ZNF536: variants seen among roughly 807,000 people sequenced by gnomAD.
The protein encoded by ZNF536 is zinc finger protein 536.
A neutral mutation model predicts 84.5 loss-of-function variants in ZNF536; 13 were observed. The observed-to-expected ratio is 0.15, with a 90% confidence interval of 0.10 to 0.24. The LOEUF (loss-of-function observed/expected upper bound fraction) is 0.24. Among genes scored for constraint, ZNF536 ranks in the 10% least tolerant of loss-of-function variants. The probability of loss-of-function intolerance (pLI) is 1.00; values close to 1 mark genes in which losing one functional copy is unlikely to be tolerated. For synonymous variants in ZNF536, 811 were observed against 742.5 expected, an observed-to-expected ratio of 1.09 and a Z score of -1.50; for missense variants, 1,536 against 1,747.5, an observed-to-expected ratio of 0.88 and a Z score of 2.16.
intron 1 of ZNF536, among the ~76,000 whole-genome samples, chr19:30,588,908 C>T (rs534658480): frequency 1.3e-5 from 2 of 151,972 alleles, no homozygotes; most frequent in Non-Finnish European, 2.9e-5. Context: ...AGGTGACATG[C>T]GAATATGGCA....
intron 2 of ZNF536, among the ~76,000 whole-genome samples, chr19:30,497,631 G>A (rs2054777362): frequency 6.6e-6 from 1 of 152,220 alleles, no homozygotes; most frequent in Non-Finnish European, 1.5e-5. Context: ...CCCAAAAGGA[G>A]AAAGCAAGGG....
At chr19:30,538,858 G>C (rs2045201443) in intron 3 of ZNF536, among the ~76,000 whole-genome samples, 1 of 152,150 alleles carries the variant, frequency 6.6e-6, no homozygotes, top group Non-Finnish European at 1.5e-5. Flanking sequence ...CATTATTGCA[G>C]GCTCAGAAAG....
intron 2 of ZNF536, among the ~76,000 whole-genome samples, chr19:30,460,457 T>G (rs2053081961): frequency 6.6e-6 from 1 of 152,112 alleles, no homozygotes; most frequent in African/African-American, 2.4e-5. Context: ...AGCAAGGTGG[T>G]TTGGAGTCTG....
chr19:30,334,744 C>A (rs2047325531), intron 2 of ZNF536, among the ~76,000 whole-genome samples: 2 of 152,300 alleles, frequency 1.3e-5, no homozygotes, highest in African/African-American at 4.8e-5. Context: ...CAGTTTCCAA[C>A]CATTTTGGCA....
rs574685090 is a variant in ZNF536 at position 30,382,096 on chromosome 19, T to A, written c.-3+9540T>A. ...TCTTTGGCTCCCATTTTGGCTGATG[T>A]GTTCACTTCTTTTCCACGGATTGCT... On this transcript the variant is annotated intron_variant, in intron 1 of 4. Coordinates refer to ENST00000355537, the MANE Select transcript of ZNF536 (RefSeq NM_014717.3). 2.4e-4 allele frequency among the ~76,000 whole-genome samples: 36 copies of A among 152,334 alleles called. No individual in the cohort carries two copies. In the South Asian group the frequency reaches 2.5e-3, roughly 11 times the overall value.
intron 2 of ZNF536, among the ~76,000 whole-genome samples, chr19:30,529,069 T>C (rs1188250881): frequency 6.6e-6 from 1 of 152,062 alleles, no homozygotes; most frequent in African/African-American, 2.4e-5. Flanking sequence ...TTGGGATAGT[T>C]GGATATTAGG....
rs1275936051 is a variant in ZNF536 at position 30,322,991 on chromosome 19, C to G, written c.-119-29377C>G. Among the ~76,000 whole-genome samples, 3 of 152,194 alleles carry G rather than the reference C, an allele frequency of 2.0e-5. No individual in the cohort carries two copies. In the East Asian group the frequency reaches 5.8e-4, roughly 29 times the overall value. The stretch of plus-strand genomic sequence containing the variant: ...CAGAGGTACTGGGTCAGATGTCTTG[C>G]CATCCCATTGACTGGAAGACCCAGT... On this transcript the variant is annotated intron_variant, in intron 2 of 5. Transcript: ENST00000585628.
At chr19:30,592,883 A>G (rs1042745432) in intron 1 of ZNF536, among the ~76,000 whole-genome samples, 7 of 152,244 alleles carry the variant, frequency 4.6e-5, no homozygotes, top group Admixed American at 1.3e-4. Flanking sequence ...TAATTGGTAT[A>G]TTAAAGAAAG....
intron 1 of ZNF536, among the ~76,000 whole-genome samples, chr19:30,621,352 G>T (rs759574246): frequency 6.6e-6 from 1 of 151,920 alleles, no homozygotes; most frequent in Non-Finnish European, 1.5e-5. Flanking sequence ...CTCACATATC[G>T]TGCCAGAATT....
At chr19:30,663,058 C>G (rs2050183330) in intron 1 of ZNF536, among the ~76,000 whole-genome samples, 1 of 145,744 alleles carries the variant, frequency 6.9e-6, no homozygotes, top group Admixed American at 7.0e-5. Flanking sequence ...TCTCCATGAG[C>G]TGATTTCAAA....
chr19:30,603,469 C>A (rs1263874880), intron 1 of ZNF536, among the ~76,000 whole-genome samples: 1 of 152,156 alleles, frequency 6.6e-6, no homozygotes. Context: ...ACTTGTTTAC[C>A]TGTAAAAAAT....
rs566151553 is a variant in ZNF536 at position 30,336,116 on chromosome 19, A to G, written c.-119-16252A>G. 9.8e-5 allele frequency among the ~76,000 whole-genome samples: 15 copies of G among 152,322 alleles called. No individual in the cohort carries two copies. The East Asian group carries it at 2.7e-3, about 27-fold the overall frequency. ...ACCCCGCCCAGGCTGGTCAGTGCCT[A>G]CTGAGCGCAGACTGTATGTCCTATG... On this transcript the variant is annotated intron_variant, in intron 2 of 5. Transcript: ENST00000585628.
chr19:30,306,190 A>ATT (rs201822113), intron 2 of ZNF536, among the ~76,000 whole-genome samples: 30 of 132,900 alleles, frequency 2.3e-4, no homozygotes, highest in Non-Finnish European at 3.0e-4. Flanking sequence ...CCTGGAGAGA[A>ATT]TTTTTTTTTT....
chr19:30,679,488 G>A (rs757616220), intron 1 of ZNF536, among the ~76,000 whole-genome samples: 1 of 152,206 alleles, frequency 6.6e-6, no homozygotes, highest in Non-Finnish European at 1.5e-5. Context: ...CGGGCTGCCT[G>A]CCAGGGCCTG....
At chr19:30,683,729 A>T (rs1360072022) in intron 1 of ZNF536, among the ~76,000 whole-genome samples, 1 of 152,220 alleles carries the variant, frequency 6.6e-6, no homozygotes, top group Non-Finnish European at 1.5e-5. Flanking sequence ...GGCCACACCC[A>T]TAATAACAAC....
intron 2 of ZNF536, among the ~76,000 whole-genome samples, chr19:30,457,034 T>C (rs2052882000): frequency 7.4e-6 from 1 of 135,096 alleles, no homozygotes; most frequent in Non-Finnish European, 1.6e-5. Context: ...AGAGCAAGAC[T>C]TCATCTCAAA....
At chr19:30,544,823 C>T (rs558796688) in intron 3 of ZNF536, among the ~76,000 whole-genome samples, 14 of 152,306 alleles carry the variant, frequency 9.2e-5, no homozygotes, top group South Asian at 2.1e-4. Context: ...TTAGGATTGG[C>T]GTGAGACCCC....
intron 2 of ZNF536, chr19:30,300,596 A>G (rs2046147418): frequency 6.6e-6 from 1 of 152,152 alleles, no homozygotes; most frequent in Non-Finnish European, 1.5e-5. Context: ...ATTTTTCCCA[A>G]CTGAGGGGCA....
rs146448801 is a variant in ZNF536, at chr19:30,350,971, C to T, written c.-119-1397C>T. Among the ~76,000 whole-genome samples, 475 of 152,204 alleles carry T rather than the reference C, an allele frequency of 3.1e-3. 2 individuals are homozygous for T. The highest frequency in any genetic ancestry group is 4.7e-3 in the Non-Finnish European group (321 of 68,018). Reference sequence around the variant, plus strand: ...TGGGGCATTAATACATTATCATATGCGGGGTGGTCTGTGCCCTGTGGACAA... The same window carrying T: ...TGGGGCATTAATACATTATCATATGTGGGGTGGTCTGTGCCCTGTGGACAA... On this transcript the variant is annotated intron_variant, in intron 2 of 5. Coordinates refer to the ZNF536 transcript ENST00000585628.
Sources: gnomAD v4.1 joint callset for allele counts (sites outside exome capture counted in the v4.1 genomes callset) on GRCh38, gnomAD v4.1.1 for gene constraint, MANE v1.5 for transcripts, NCBI Gene and HGNC (gene_info 2026-07-23, HGNC 2026-07-21) for gene names.